The following S100A14 variants were observed in gnomAD, a reference collection of about 807,000 sequenced individuals.
S100A14 encodes protein S100-A14.
A neutral mutation model predicts 10.6 loss-of-function variants in S100A14; 6 were observed. That is an observed-to-expected ratio of 0.57 (90% CI 0.31 to 1.12). The LOEUF (loss-of-function observed/expected upper bound fraction) is 1.12. Among genes scored for constraint, S100A14 ranks in the 50% most tolerant of loss-of-function variants. S100A14 has a pLI of 0.06. For synonymous variants in S100A14, 51 were observed against 51.0 expected (o/e 1.00, Z 0.00); for missense variants, 121 against 128.7 (o/e 0.94, Z 0.29).
rs779515971 is a variant in S100A14 at position 153,614,997 on chromosome 1, A to AT, written c.202dup (p.Ile68AsnfsTer9). 2 of 1,613,826 alleles carry AT rather than the reference A, an allele frequency of 1.2e-6. No homozygotes were observed. The highest frequency in any genetic ancestry group is 4.5e-5 in the East Asian group (2 of 44,880). ...GTCATTGCAGCTGCCCAGGTTGGCAATTTTCTCTTCCAGGCCACAGTTGCT... is the reference window on the plus strand; with the variant it reads ...GTCATTGCAGCTGCCCAGGTTGGCAATTTTTCTCTTCCAGGCCACAGTTGCT... On this transcript the variant is annotated frameshift_variant, in exon 4 of 4. Coordinates refer to ENST00000344616, the MANE Select transcript of S100A14 (RefSeq NM_020672.3). LOFTEE classifies it high-confidence loss of function.
chr1:153,614,856 A>T lies in S100A14; in HGVS notation c.*29T>A. 6.2e-7 allele frequency: 1 copy of T among 1,609,352 alleles called. No individual in the cohort carries two copies. The highest frequency in any genetic ancestry group is 8.5e-7 in the Non-Finnish European group (1 of 1,177,790). On this transcript the variant is annotated 3_prime_UTR_variant, in exon 4 of 4. Transcript: ENST00000344616. The stretch of plus-strand genomic sequence containing the variant: ...TCTCCAGGCCCACAGTCTCTCCCCA[A>T]CACCCCCCAAGAATTCCAGAGGGAG...
Position 153,614,811 on chromosome 1 carries a change from G to A in S100A14, c.*74C>T, listed in dbSNP as rs1039564335. On this transcript the variant is annotated 3_prime_UTR_variant, in exon 4 of 4. Coordinates refer to ENST00000344616, the MANE Select transcript of S100A14 (RefSeq NM_020672.3). ...GGTGCAGGCTAGGGTACAGGGTGGT[G>A]GTAGAGGAGACAAGTTTTATCTCCA... The A allele has an allele frequency of 4.5e-6, 7 of 1,542,570 alleles. 1 individual carries two copies. The South Asian group carries it at 8.6e-5, about 19-fold the overall frequency.
rs980278743 is a variant in S100A14, at chr1:153,614,504, G to A, written c.*381C>T. The A allele has an allele frequency of 3.9e-5, 7 of 178,618 alleles. No homozygotes were observed. The highest frequency in any genetic ancestry group is 3.3e-4 in the Admixed American group (6 of 18,438). The allele number at this position is 178,618 out of a possible 1,614,324, so 11.1% of individuals were successfully genotyped here. A position where few individuals can be genotyped will look rare whatever the true frequency, so the allele number is the denominator to read the frequency against. On this transcript the variant is annotated 3_prime_UTR_variant, in exon 4 of 4. Transcript: ENST00000344616. ...TTTGGATTGGGGAAGAGATTAGGAA[G>A]TAGGTTCTTAAAGACCCTTTTTTAG...
In S100A14 at chr1:153,615,889, AG is replaced by A. The variant is rs761514690; in HGVS notation, c.-32del. 1.9e-6 allele frequency: 3 copies of A among 1,612,902 alleles called. No homozygotes were observed. The African/African-American group carries it at 4.0e-5, about 22-fold the overall frequency. On this transcript the variant is annotated 5_prime_UTR_variant, in exon 2 of 4. Transcript: ENST00000344616. ...CCACTGTGTCTGGTCCTTTGGTGAG[AG>A]TTCTGTTGTCCTATAGCTGGCCCCA...
Position 153,615,874 on chromosome 1 carries a change from TGG to T in S100A14, c.-18_-17del. The T allele has an allele frequency of 6.2e-7, 1 of 1,613,692 alleles. No individual in the cohort carries two copies. The highest frequency in any genetic ancestry group is 8.5e-7 in the Non-Finnish European group (1 of 1,179,670). ...ACTGTCCCATGGTGCCCACTGTGTC[TGG>T]TCCTTTGGTGAGAGTTCTGTTGTCC... On this transcript the variant is annotated 5_prime_UTR_variant, in exon 2 of 4. Coordinates refer to ENST00000344616, the MANE Select transcript of S100A14 (RefSeq NM_020672.3).
At position 153,614,858 on chromosome 1, in the gene S100A14, A is replaced by AC. The variant is rs1238739443; in HGVS notation, c.*26dup. On this transcript the variant is annotated 3_prime_UTR_variant, in exon 4 of 4. Transcript: ENST00000344616. The stretch of plus-strand genomic sequence containing the variant: ...TCCAGGCCCACAGTCTCTCCCCAAC[A>AC]CCCCCCAAGAATTCCAGAGGGAGTT... 1.9e-6 allele frequency: 3 copies of AC among 1,608,712 alleles called. No individual in the cohort carries two copies. Among genetic ancestry groups the AC allele is most frequent in the Non-Finnish European group, 8.5e-7 (1 of 1,177,740 alleles).
At chr1:153,615,452 T>C (rs760947731) in intron 2 of S100A14, 71 bp from the exon 3 acceptor site, 321 of 1,551,670 alleles carry the variant, frequency 2.1e-4, no homozygotes, top group Non-Finnish European at 2.7e-4. Flanking sequence ...TCCAGGAGCC[T>C]AGCAAAGCCC....
In S100A14 at chr1:153,614,315, A is replaced by G. The variant is rs1472620528; in HGVS notation, c.*570T>C. On this transcript the variant is annotated 3_prime_UTR_variant, in exon 4 of 4. Transcript: ENST00000344616. Reference sequence around the variant, plus strand: ...ATACAAAACAACCATCATTCTGTCAATGCCCAAGCACCCAGCTGGTCCTCT... The same window carrying G: ...ATACAAAACAACCATCATTCTGTCAGTGCCCAAGCACCCAGCTGGTCCTCT... 2 of 152,318 alleles carry G rather than the reference A, an allele frequency of 1.3e-5. No individual in the cohort carries two copies. Among genetic ancestry groups the G allele is most frequent in the African/African-American group, 4.8e-5 (2 of 41,378 alleles). 9.4% of individuals were successfully genotyped at this position (152,318 alleles called of 1,614,324 possible).
rs1253105821 is a variant in S100A14 at position 153,614,685 on chromosome 1, C to T, written c.*200G>A. 1.8e-6 allele frequency: 1 copy of T among 570,256 alleles called. No individual in the cohort carries two copies. The allele number at this position is 570,256 out of a possible 1,614,324, so 35.3% of individuals were successfully genotyped here. A position where few individuals can be genotyped will look rare whatever the true frequency, so the allele number is the denominator to read the frequency against. On this transcript the variant is annotated 3_prime_UTR_variant, in exon 4 of 4. Coordinates refer to ENST00000344616, the MANE Select transcript of S100A14 (RefSeq NM_020672.3). ...TGGCCCAACCAGTCCCCTGAGCCTC[C>T]CTCTGGTGGAGACTCCTCCACCCAT...
rs145311201 is a variant in S100A14, at chr1:153,614,563, A to G, written c.*322T>C. On this transcript the variant is annotated 3_prime_UTR_variant, in exon 4 of 4. Coordinates refer to ENST00000344616, the MANE Select transcript of S100A14 (RefSeq NM_020672.3). The stretch of plus-strand genomic sequence containing the variant: ...ATCCAGCCATATTCCCAGCTCCATT[A>G]TTCAAATCATTTCCCATAGCCCAGC... 14 of 246,910 alleles carry G rather than the reference A, an allele frequency of 5.7e-5. No individual in the cohort carries two copies. The highest frequency in any genetic ancestry group is 3.0e-4 in the Admixed American group (6 of 20,324). The allele number at this position is 246,910 out of a possible 1,614,324, so 15.3% of individuals were successfully genotyped here. A position where few individuals can be genotyped will look rare whatever the true frequency, so the allele number is the denominator to read the frequency against.
rs1432906625 is a variant in S100A14 at position 153,615,855 on chromosome 1, C to G, written c.4G>C (p.Gly2Arg). The change falls in exon 2 of 4, where the codon GGA becomes CGA. Residue 2 changes from glycine to arginine, a missense_variant. Transcript: ENST00000344616. ...TCTGCGTTGGCTGACCGACACTGTCCCATGGTGCCCACTGTGTCTGGTCCT... is the reference window on the plus strand; with the variant it reads ...TCTGCGTTGGCTGACCGACACTGTCGCATGGTGCCCACTGTGTCTGGTCCT... M[G>R]QCRSANAEDA... The G allele has an allele frequency of 6.2e-7, 1 of 1,613,878 alleles. No individual in the cohort carries two copies. Among genetic ancestry groups the G allele is most frequent in the Admixed American group, 1.7e-5 (1 of 59,996 alleles).
chr1:153,615,527 C>T (rs564604640), intron 2 of S100A14, 146 bp from the exon 3 acceptor site: 52 of 987,024 alleles, frequency 5.3e-5, no homozygotes, highest in East Asian at 1.0e-4. Flanking sequence ...AATCTAGCCC[C>T]TCTCCCCCAC....
intron 2 of S100A14, 137 bp from the exon 3 acceptor site, chr1:153,615,518 A>C: frequency 2.9e-6 from 3 of 1,030,806 alleles, no homozygotes; most frequent in Non-Finnish European, 4.1e-6. Flanking sequence ...AGAGCCCAGA[A>C]TCTAGCCCCT....
In S100A14 at chr1:153,614,942, C is replaced by T. The variant is rs746192190; in HGVS notation, c.258G>A (p.Glu86=). 6.2e-7 allele frequency: 1 copy of T among 1,614,036 alleles called. No individual in the cohort carries two copies. Among genetic ancestry groups the T allele is most frequent in the East Asian group, 2.2e-5 (1 of 44,880 alleles). ...DSKLEFRSFW[E]LIGEAAKSVK... is the part of the protein sequence containing the mutation. ...CACTCTTGGCCGCTTCTCCAATCAG[C>T]TCCCAGAAACTCCTGAACTCCAGTT... Residue 86 remains glutamate, a synonymous_variant, in exon 4 of 4, where the codon GAG becomes GAA. Transcript: ENST00000344616.
intron 3 of S100A14, 77 bp from the exon 4 acceptor site, chr1:153,615,099 A>G: frequency 6.3e-7 from 1 of 1,589,796 alleles, no homozygotes. Flanking sequence ...CCACGGGCAG[A>G]CAGCAGGAGC....
In S100A14 at chr1:153,615,894, T is replaced by C; in HGVS notation, c.-36A>G. Reference sequence around the variant, plus strand: ...GTGTCTGGTCCTTTGGTGAGAGTTCTGTTGTCCTATAGCTGGCCCCAGAGG... The same window carrying C: ...GTGTCTGGTCCTTTGGTGAGAGTTCCGTTGTCCTATAGCTGGCCCCAGAGG... On this transcript the variant is annotated 5_prime_UTR_variant, in exon 2 of 4. Coordinates refer to ENST00000344616, the MANE Select transcript of S100A14 (RefSeq NM_020672.3). The C allele has an allele frequency of 6.2e-7, 1 of 1,612,218 alleles. No individual in the cohort carries two copies. The highest frequency in any genetic ancestry group is 8.5e-7 in the Non-Finnish European group (1 of 1,178,334).
At position 153,615,821 on chromosome 1, in the gene S100A14, G is replaced by A. The variant is rs762507768; in HGVS notation, c.30+8C>T. On this transcript the variant is annotated splice_region_variant and intron_variant, in intron 2 of 3. Coordinates refer to ENST00000344616, the MANE Select transcript of S100A14 (RefSeq NM_020672.3). The stretch of plus-strand genomic sequence containing the variant: ...GGGAGCAGAAAGGCCAGGAGTGAAT[G>A]AGCCCACCTCTGCGTTGGCTGACCG... 17 of 1,613,766 alleles carry A rather than the reference G, an allele frequency of 1.1e-5. No individual in the cohort carries two copies. The highest frequency in any genetic ancestry group is 9.9e-5 in the South Asian group (9 of 91,066).
At chr1:153,615,117 A>C in intron 3 of S100A14, 95 bp from the exon 4 acceptor site, 2 of 1,584,384 alleles carry the variant, frequency 1.3e-6, no homozygotes, top group Non-Finnish European at 1.7e-6. Flanking sequence ...AGCAGAGGCT[A>C]CCTAGCACTG....
chr1:153,614,859 C>G lies in S100A14; in HGVS notation c.*26G>C, dbSNP rs749856788. The G allele has an allele frequency of 1.2e-6, 2 of 1,608,736 alleles. No individual in the cohort carries two copies. Among genetic ancestry groups the G allele is most frequent in the Non-Finnish European group, 1.7e-6 (2 of 1,177,152 alleles). On this transcript the variant is annotated 3_prime_UTR_variant, in exon 4 of 4. Coordinates refer to ENST00000344616, the MANE Select transcript of S100A14 (RefSeq NM_020672.3). ...CCAGGCCCACAGTCTCTCCCCAACA[C>G]CCCCCAAGAATTCCAGAGGGAGTTC...
Sources: allele counts gnomAD v4.1 joint callset, GRCh38; gene constraint gnomAD v4.1.1; transcripts MANE v1.5; gene names NCBI Gene and HGNC (gene_info 2026-07-23, HGNC 2026-07-21).